Variants in PRPSAP2 observed in about 807,000 individuals in gnomAD.
The protein encoded by PRPSAP2 is phosphoribosyl pyrophosphate synthase-associated protein 2.
Under a neutral mutation model 40.6 loss-of-function variants are expected in PRPSAP2, and 24 were observed. That is an observed-to-expected ratio of 0.59 (90% CI 0.43 to 0.83). The LOEUF (loss-of-function observed/expected upper bound fraction) is 0.83. PRPSAP2 is among the 40% of genes least tolerant of loss of function. The probability of loss-of-function intolerance (pLI) is 0.00; values close to 1 mark genes in which losing one functional copy is unlikely to be tolerated. For missense variants in PRPSAP2, 292 were observed against 465.6 expected (o/e 0.63, Z 3.43); for synonymous variants, 149 against 164.7 (o/e 0.90, Z 0.73).
intron 4 of PRPSAP2, among the ~76,000 whole-genome samples, chr17:18,870,830 GGAAAA>G (rs2037806249): frequency 4.0e-5 from 6 of 149,886 alleles, no homozygotes; most frequent in Admixed American, 4.0e-4. Context: ...AAAAAGAAAA[GGAAAA>G]GAAAATTAAC....
At chr17:18,907,183 C>A (rs897984788) in intron 8 of PRPSAP2, among the ~76,000 whole-genome samples, 2 of 152,084 alleles carry the variant, frequency 1.3e-5, no homozygotes, top group South Asian at 4.1e-4. Context: ...AACACTTGAA[C>A]ATTTACCATG....
At chr17:18,917,822 G>A (rs957218208) in intron 9 of PRPSAP2, among the ~76,000 whole-genome samples, 16 of 151,294 alleles carry the variant, frequency 1.1e-4, no homozygotes, top group East Asian at 3.9e-4. Context: ...TTTTGACAGC[G>A]TCTGTTTAGG....
In PRPSAP2 at chr17:18,899,582, G is replaced by A. The variant is rs1374804955; in HGVS notation, c.584+9705G>A. Among the ~76,000 whole-genome samples the A allele has an allele frequency of 3.9e-5, 5 of 126,874 alleles. No homozygotes were observed. In the South Asian group the frequency reaches 1.3e-3, roughly 34 times the overall value. The allele number at this position is 126,874 out of a possible 152,430, so 83.2% of individuals were successfully genotyped here. A position where few individuals can be genotyped will look rare whatever the true frequency, so the allele number is the denominator to read the frequency against. On this transcript the variant is annotated intron_variant, in intron 8 of 11. Transcript: ENST00000268835. ...TCACCTCTGTTGCCCAGGCTGGAGT[G>A]TAGTGGTATGATCACAGCTCACTGC...
At chr17:18,864,539 C>T (rs576725212) in intron 1 of PRPSAP2, among the ~76,000 whole-genome samples, 1 of 152,244 alleles carries the variant, frequency 6.6e-6, no homozygotes, top group East Asian at 1.9e-4. Context: ...GATCCGCCTG[C>T]CTTGGCCTCC....
rs991595029 is a variant in PRPSAP2, at chr17:18,921,210, T to C, written c.734-2704T>C. On this transcript the variant is annotated intron_variant, in intron 9 of 11. Coordinates refer to ENST00000268835, the MANE Select transcript of PRPSAP2 (RefSeq NM_002767.4). Reference sequence around the variant, plus strand: ...TTTGGGGTTTTTATGTTTTCTTCTGTTCTTTGCCCTTATAATGTGGCAGGA... The same window carrying C: ...TTTGGGGTTTTTATGTTTTCTTCTGCTCTTTGCCCTTATAATGTGGCAGGA... Among the ~76,000 whole-genome samples, 12 of 152,174 alleles carry C rather than the reference T, an allele frequency of 7.9e-5. No individual in the cohort carries two copies. The East Asian group carries it at 2.3e-3, about 29-fold the overall frequency.
At chr17:18,891,082 G>T (rs1000259779) in intron 8 of PRPSAP2, among the ~76,000 whole-genome samples, 1 of 152,158 alleles carries the variant, frequency 6.6e-6, no homozygotes, top group Non-Finnish European at 1.5e-5. Flanking sequence ...TCCTAAAAAA[G>T]CCCTTTTAAA....
chr17:18,865,472 G>A lies in PRPSAP2; in HGVS notation c.-125G>A, dbSNP rs1386889379. On this transcript the variant is annotated 5_prime_UTR_variant, in exon 2 of 12. Transcript: ENST00000268835. ...ATTTTTCTGTGTGTTAATCCAGGAG[G>A]AATTTTGTTGTCAGAGAATAAAAGG... 1 of 152,786 alleles carries A rather than the reference G, an allele frequency of 6.5e-6. No homozygotes were observed. Among genetic ancestry groups the A allele is most frequent in the African/African-American group, 2.4e-5 (1 of 41,474 alleles). The allele number at this position is 152,786 out of a possible 1,614,324, so 9.5% of individuals were successfully genotyped here.
At chr17:18,867,448 G>A in intron 4 of PRPSAP2, 114 bp downstream of exon 4, 1 of 1,294,302 alleles carries the variant, frequency 7.7e-7, no homozygotes, top group Non-Finnish European at 1.1e-6. Flanking sequence ...ATTTCCATTA[G>A]CAAGAAGTCA....
chr17:18,872,818 A>G (rs539887696), intron 5 of PRPSAP2, among the ~76,000 whole-genome samples, 169 bp downstream of exon 5: 3 of 151,746 alleles, frequency 2.0e-5, no homozygotes, highest in Non-Finnish European at 4.4e-5. Context: ...TGACTTTTAC[A>G]TGTTCTTTCA....
rs1449370443 is a variant in PRPSAP2 at position 18,874,586 on chromosome 17, G to A, written c.239+1937G>A. ...CTTGCATCCTATAGCCCTGGCAAACGGGTGTGCTCTGAAGGAGGAAGGGTG... is the reference window on the plus strand; with the variant it reads ...CTTGCATCCTATAGCCCTGGCAAACAGGTGTGCTCTGAAGGAGGAAGGGTG... On this transcript the variant is annotated intron_variant, in intron 5 of 11. Transcript: ENST00000268835. Among the ~76,000 whole-genome samples the A allele has an allele frequency of 5.9e-5, 9 of 152,286 alleles. No individual in the cohort carries two copies. The East Asian group carries it at 1.4e-3, about 23-fold the overall frequency.
intron 1 of PRPSAP2, among the ~76,000 whole-genome samples, chr17:18,863,097 G>A (rs2037158016): frequency 6.6e-6 from 1 of 152,004 alleles, no homozygotes; most frequent in South Asian, 2.1e-4. Context: ...TGGGATTACA[G>A]GCATGAGCCA....
At chr17:18,907,825 T>A (rs927416883) in intron 8 of PRPSAP2, among the ~76,000 whole-genome samples, 2 of 152,130 alleles carry the variant, frequency 1.3e-5, no homozygotes, top group Admixed American at 1.3e-4. Flanking sequence ...AATTAAAAAG[T>A]ATTTAGAACC....
chr17:18,889,022 A>G (rs1955078873), intron 7 of PRPSAP2, among the ~76,000 whole-genome samples: 1 of 152,234 alleles, frequency 6.6e-6, no homozygotes, highest in African/African-American at 2.4e-5. Context: ...TGATGAGACA[A>G]GGAAATACAT....
chr17:18,900,591 A>C (rs1377826133), intron 8 of PRPSAP2, among the ~76,000 whole-genome samples: 1 of 151,196 alleles, frequency 6.6e-6, no homozygotes. Context: ...TGTGTGTGAG[A>C]CTCTGGGTCT....
At chr17:18,926,954 G>A (rs1211672300) in intron 10 of PRPSAP2, among the ~76,000 whole-genome samples, 1 of 152,110 alleles carries the variant, frequency 6.6e-6, no homozygotes, top group African/African-American at 2.4e-5. Flanking sequence ...AACCCCTTGT[G>A]TCTTTGTCCA....
At chr17:18,897,897 C>G (rs1198466996) in intron 8 of PRPSAP2, among the ~76,000 whole-genome samples, 3 of 151,624 alleles carry the variant, frequency 2.0e-5, no homozygotes, top group Non-Finnish European at 2.9e-5. Context: ...AGTCATACCT[C>G]TCTGTGTCTC....
chr17:18,874,716 C>T (rs2038146486), intron 5 of PRPSAP2, among the ~76,000 whole-genome samples: 1 of 152,236 alleles, frequency 6.6e-6, no homozygotes, highest in Non-Finnish European at 1.5e-5. Flanking sequence ...GCCCCTGCTG[C>T]TGCTGTCCTC....
chr17:18,875,958 A>G (rs754614365), intron 5 of PRPSAP2, among the ~76,000 whole-genome samples: 3 of 152,038 alleles, frequency 2.0e-5, no homozygotes, highest in Admixed American at 2.0e-4. Flanking sequence ...ACATGGAGAA[A>G]CGCTCTCTCT....
At chr17:18,879,556 C>T (rs181006917) in intron 6 of PRPSAP2, among the ~76,000 whole-genome samples, 7 of 152,122 alleles carry the variant, frequency 4.6e-5, no homozygotes, top group African/African-American at 9.6e-5. Context: ...TGGGTTTAAG[C>T]GATTCACCTG....
Sources: allele counts gnomAD v4.1 joint callset (sites outside exome capture counted in the v4.1 genomes callset), GRCh38; gene constraint gnomAD v4.1.1; transcripts MANE v1.5; gene names NCBI Gene and HGNC (gene_info 2026-07-23, HGNC 2026-07-21).